Variants in TNIK observed in about 807,000 individuals in gnomAD.
TNIK encodes the protein TRAF2 and NCK interacting kinase.
In TNIK, 49 loss-of-function variants were observed where a neutral mutation model predicts 191.3. The observed-to-expected ratio is 0.26, with a 90% CI of 0.20 to 0.32. The LOEUF (loss-of-function observed/expected upper bound fraction) is 0.32, where lower values mean the gene tolerates loss of function less well. Among genes scored for constraint, TNIK ranks in the 10% least tolerant of loss-of-function variants. The probability of loss-of-function intolerance (pLI) is 1.00; values close to 1 mark genes in which losing one functional copy is unlikely to be tolerated. For missense variants in TNIK, 1,155 were observed against 1,702.3 expected (o/e 0.68, Z 5.66); for synonymous variants, 594 against 600.9 (o/e 0.99, Z 0.17).
rs67895255 is a variant in TNIK, at chr3:171,421,724, ATTTTTTTTTTT to A, written c.57+38272_57+38282del. 1.6e-4 allele frequency among the ~76,000 whole-genome samples: 15 copies of A among 91,354 alleles called. 1 individual carries two copies. In the South Asian group the frequency reaches 4.9e-3, roughly 30 times the overall value. 59.9% of individuals were successfully genotyped at this position (91,354 alleles called of 152,430 possible). On this transcript the variant is annotated intron_variant, in intron 1 of 32. Transcript: ENST00000436636. ...AGCTCTGCTCCTGATTAGTTGTGTA[ATTTTTTTTTTT>A]TTTTTTTTTTTTTTGAGATGAAGTC...
rs1717598383 is a variant in TNIK at position 171,058,963 on chromosome 3, C to T, written c.*4918G>A. Among the ~76,000 whole-genome samples, 1 of 152,126 alleles carries T rather than the reference C, an allele frequency of 6.6e-6. No individual in the cohort carries two copies. The highest frequency in any genetic ancestry group is 1.9e-4 in the East Asian group (1 of 5,198). The stretch of plus-strand genomic sequence containing the variant: ...CATACCATAATAAGTATTACTATTC[C>T]TTAACATTTATCCCAGGGGAAGAGA... On this transcript the variant is annotated 3_prime_UTR_variant, in exon 33 of 33. Transcript: ENST00000436636.
rs573924017 is a variant in TNIK at position 171,138,157 on chromosome 3, G to GGCCA, written c.1608+30_1608+33dup. ...ACAAACTCATTAGAGTCAAAAGCCTGGCCAACAGGGTGAGGCTACCCTTGC... is the reference window on the plus strand; with the variant it reads ...ACAAACTCATTAGAGTCAAAAGCCTGGCCAGCCAACAGGGTGAGGCTACCCTTGC... On this transcript the variant is annotated intron_variant, in intron 15 of 32. Coordinates refer to ENST00000436636, the MANE Select transcript of TNIK (RefSeq NM_015028.4). The GGCCA allele has an allele frequency of 1.1e-4, 164 of 1,519,874 alleles. 1 individual carries two copies. In the African/African-American group the frequency reaches 2.2e-3, roughly 21 times the overall value. The allele number at this position is 1,519,874 out of a possible 1,614,324, so 94.1% of individuals were successfully genotyped here. A position where few individuals can be genotyped will look rare whatever the true frequency, so the allele number is the denominator to read the frequency against.
intron 2 of TNIK, among the ~76,000 whole-genome samples, chr3:171,357,416 G>A (rs1339859039): frequency 6.6e-6 from 1 of 151,800 alleles, no homozygotes; most frequent in Non-Finnish European, 1.5e-5. Context: ...AGCCTCCCGA[G>A]TAGCTGGGAT....
chr3:171,363,885 T>A (rs1436689965), intron 2 of TNIK, among the ~76,000 whole-genome samples: 1 of 152,198 alleles, frequency 6.6e-6, no homozygotes, highest in Non-Finnish European at 1.5e-5. Context: ...GAAAGTCAAA[T>A]CTTTGAATAA....
intron 9 of TNIK, among the ~76,000 whole-genome samples, chr3:171,174,809 C>G (rs1314272976): frequency 6.6e-6 from 1 of 152,132 alleles, no homozygotes; most frequent in Non-Finnish European, 1.5e-5. Context: ...CATACACGAG[C>G]CAGAGAAATA....
intron 12 of TNIK, among the ~76,000 whole-genome samples, chr3:171,142,146 A>T (rs1730925856): frequency 6.6e-6 from 1 of 152,202 alleles, no homozygotes. Context: ...CTTCCAGATC[A>T]ACAATGATTT....
At chr3:171,253,570 A>G (rs1373421701) in intron 2 of TNIK, among the ~76,000 whole-genome samples, 1 of 151,778 alleles carries the variant, frequency 6.6e-6, no homozygotes, top group Non-Finnish European at 1.5e-5. Flanking sequence ...AAAAAAAAGA[A>G]AAGAAATCAG....
chr3:171,063,213 T>C lies in TNIK; in HGVS notation c.*668A>G, dbSNP rs963722228. The stretch of plus-strand genomic sequence containing the variant: ...ATTAGACTAGTAGTTTTAAGGCTAG[T>C]AGTTTAGCCATTTAAAATCTATTTC... On this transcript the variant is annotated 3_prime_UTR_variant, in exon 33 of 33. Transcript: ENST00000436636. 2.0e-5 allele frequency: 3 copies of C among 152,238 alleles called. No individual in the cohort carries two copies. The highest frequency in any genetic ancestry group is 4.4e-5 in the Non-Finnish European group (3 of 68,036). The allele number at this position is 152,238 out of a possible 1,614,324, so 9.4% of individuals were successfully genotyped here.
intron 2 of TNIK, among the ~76,000 whole-genome samples, chr3:171,261,988 A>G (rs1747687308): frequency 6.6e-6 from 1 of 152,084 alleles, no homozygotes; most frequent in South Asian, 2.1e-4. Context: ...AAATATGAAT[A>G]CTATTATTTA....
At chr3:171,395,591 C>T (rs1417179645) in intron 1 of TNIK, among the ~76,000 whole-genome samples, 1 of 152,128 alleles carries the variant, frequency 6.6e-6, no homozygotes, top group Non-Finnish European at 1.5e-5. Context: ...TAAGATAAAA[C>T]AGTAAGTATC....
chr3:171,393,640 C>T (rs966354256), intron 1 of TNIK, among the ~76,000 whole-genome samples: 1 of 152,334 alleles, frequency 6.6e-6, no homozygotes, highest in South Asian at 2.1e-4. Flanking sequence ...ATTTCTCAAA[C>T]CTTTTTTCTC....
chr3:171,188,991 ACACTGTTGTG>A (rs1737697932), intron 6 of TNIK, among the ~76,000 whole-genome samples, 159 bp from the exon 7 acceptor site: 1 of 152,222 alleles, frequency 6.6e-6, no homozygotes, highest in African/African-American at 2.4e-5. Flanking sequence ...AAGCACATCC[ACACTGTTGTG>A]CAACCTTCAC....
chr3:171,406,385 G>GAA (rs1721685523), intron 1 of TNIK, among the ~76,000 whole-genome samples: 1 of 152,098 alleles, frequency 6.6e-6, no homozygotes, highest in Non-Finnish European at 1.5e-5. Flanking sequence ...ATGCAGCAGG[G>GAA]CACCCTCCAT....
Position 171,123,694 on chromosome 3 carries a change from T to C in TNIK, c.2022A>G (p.Gln674=), listed in dbSNP as rs1316814688. ...QEEDIPPKVP[Q]RTTSISPALA... ...ATGCTGGGGATATAGAAGTTGTTCT[T>C]TGAGGCACCTGGAAGAAACCAGAAT... The change falls in exon 18 of 33, where the codon CAA becomes CAG. Residue 674 remains glutamine, a synonymous_variant. Coordinates refer to ENST00000436636, the MANE Select transcript of TNIK (RefSeq NM_015028.4). The C allele has an allele frequency of 1.9e-6, 3 of 1,567,196 alleles. No homozygotes were observed. Among genetic ancestry groups the C allele is most frequent in the Admixed American group, 1.9e-5 (1 of 53,392 alleles).
intron 30 of TNIK, among the ~76,000 whole-genome samples, chr3:171,067,761 T>G (rs746114903): frequency 5.9e-5 from 9 of 152,028 alleles, no homozygotes; most frequent in Non-Finnish European, 1.2e-4. Flanking sequence ...GATCCCCTAG[T>G]TGAGAATGCC....
Position 171,400,971 on chromosome 3 carries a change from G to A in TNIK, c.58-31286C>T, listed in dbSNP as rs1030843437. Among the ~76,000 whole-genome samples the A allele has an allele frequency of 4.6e-5, 7 of 152,296 alleles. 1 individual carries two copies. In the East Asian group the frequency reaches 1.3e-3, roughly 29 times the overall value. On this transcript the variant is annotated intron_variant, in intron 1 of 32. Coordinates refer to ENST00000436636, the MANE Select transcript of TNIK (RefSeq NM_015028.4). ...TAATCTTTCTTTAAGGGGTTTGCCT[G>A]GGAATAGCAGGAGAATCAGGCCAGT...
chr3:171,207,745 A>G (rs900397670), intron 4 of TNIK, among the ~76,000 whole-genome samples: 1 of 152,198 alleles, frequency 6.6e-6, no homozygotes, highest in African/African-American at 2.4e-5. Context: ...GGAAACACAA[A>G]GATATGTTAA....
intron 2 of TNIK, among the ~76,000 whole-genome samples, chr3:171,276,639 T>C (rs1039619533): frequency 1.3e-5 from 2 of 152,202 alleles, no homozygotes; most frequent in African/African-American, 4.8e-5. Flanking sequence ...AAGACTTAAA[T>C]GTACTTACAA....
chr3:171,334,781 AG>A (rs1756779636), intron 2 of TNIK, among the ~76,000 whole-genome samples: 1 of 152,180 alleles, frequency 6.6e-6, no homozygotes, highest in Non-Finnish European at 1.5e-5. Flanking sequence ...CAAACACTCC[AG>A]TAATTTCCTT....
Sources: gnomAD v4.1 joint callset for allele counts (sites outside exome capture counted in the v4.1 genomes callset) on GRCh38, gnomAD v4.1.1 for gene constraint, MANE v1.5 for transcripts, NCBI Gene and HGNC (gene_info 2026-07-23, HGNC 2026-07-21) for gene names.